The following STK3 variants were observed in gnomAD, a reference collection of about 807,000 sequenced individuals.
STK3 encodes the protein serine/threonine kinase 3, also known as serine/threonine-protein kinase 3.
In STK3, 41 loss-of-function variants were observed where a neutral mutation model predicts 58.0. The observed-to-expected ratio is 0.71, with a 90% confidence interval of 0.55 to 0.92. The LOEUF (loss-of-function observed/expected upper bound fraction) is 0.92. STK3 is among the 40% of genes least tolerant of loss of function. The probability of loss-of-function intolerance (pLI) is 0.00; values close to 1 mark genes in which losing one functional copy is unlikely to be tolerated. For synonymous variants in STK3, 170 were observed against 191.0 expected, an observed-to-expected ratio of 0.89 and a Z score of 0.91; for missense variants, 479 against 602.7, an observed-to-expected ratio of 0.79 and a Z score of 2.15.
Position 98,477,706 on chromosome 8 carries a change from GGGGGGGGGGGTGGGC to G in STK3, c.1318-21721_1318-21707del, listed in dbSNP as rs1400126484. On this transcript the variant is annotated intron_variant, in intron 10 of 10. Transcript: ENST00000419617. ...TCGCATAATCATCACACTTGGCGGG[GGGGGGGGGGGTGGGC>G]GGGGGGGGGCCCTAATGAAGGCAAG... 3.4e-4 allele frequency among the ~76,000 whole-genome samples: 26 copies of G among 76,906 alleles called. 5 individuals are homozygous for G. Among genetic ancestry groups the G allele is most frequent in the African/African-American group, 1.2e-3 (24 of 20,694 alleles). The allele number at this position is 76,906 out of a possible 152,430, so 50.5% of individuals were successfully genotyped here. A position where few individuals can be genotyped will look rare whatever the true frequency, so the allele number is the denominator to read the frequency against.
intron 10 of STK3, among the ~76,000 whole-genome samples, chr8:98,479,210 G>A (rs111408060): frequency 4.6e-5 from 7 of 152,180 alleles, no homozygotes; most frequent in South Asian, 2.1e-4. Context: ...AGAAGCGGCC[G>A]GGTGCGGTGG....
chr8:98,808,827 C>G (rs1484676795), intron 1 of STK3, among the ~76,000 whole-genome samples: 1 of 152,166 alleles, frequency 6.6e-6, no homozygotes, highest in African/African-American at 2.4e-5. Context: ...TCTTGGTAGG[C>G]CCCTACAAAG....
At chr8:98,803,052 AG>A (rs1401601707) in intron 1 of STK3, among the ~76,000 whole-genome samples, 1 of 152,342 alleles carries the variant, frequency 6.6e-6, no homozygotes, top group South Asian at 2.1e-4. Flanking sequence ...TCCAGACAAC[AG>A]GGTTTCCCTT....
At chr8:98,734,285 G>A (rs1193631480) in intron 4 of STK3, among the ~76,000 whole-genome samples, 1 of 152,146 alleles carries the variant, frequency 6.6e-6, no homozygotes, top group African/African-American at 2.4e-5. Context: ...CTAGGCAAAT[G>A]TTACTTATTA....
intron 1 of STK3, among the ~76,000 whole-genome samples, chr8:98,798,541 T>C (rs1833325891): frequency 6.6e-6 from 1 of 152,232 alleles, no homozygotes; most frequent in South Asian, 2.1e-4. Flanking sequence ...ACCCACAAAG[T>C]ACCTCTCCTG....
chr8:98,779,961 A>G (rs1831977185), intron 1 of STK3, among the ~76,000 whole-genome samples: 1 of 79,702 alleles, frequency 1.3e-5, no homozygotes, highest in South Asian at 5.2e-4. Context: ...GTGCTAGTAT[A>G]TATGTGGAAT....
At chr8:98,705,719 C>A (rs1000908316) in intron 6 of STK3, among the ~76,000 whole-genome samples, 4 of 152,088 alleles carry the variant, frequency 2.6e-5, no homozygotes. Context: ...ATTGAGATAA[C>A]TACAGCCACT....
At chr8:98,473,145 G>A (rs903205237) in intron 10 of STK3, among the ~76,000 whole-genome samples, 1 of 152,096 alleles carries the variant, frequency 6.6e-6, no homozygotes, top group Non-Finnish European at 1.5e-5. Flanking sequence ...TTGTTTAAAA[G>A]AAAACATCTT....
intron 3 of STK3, among the ~76,000 whole-genome samples, chr8:98,858,751 G>C (rs1836810534): frequency 6.6e-6 from 1 of 151,882 alleles, no homozygotes; most frequent in Non-Finnish European, 1.5e-5. Flanking sequence ...AATTAGCTGG[G>C]CGTGGTGGTG....
At position 98,583,609 on chromosome 8, in the gene STK3, T is replaced by C. The variant is rs142205953; in HGVS notation, c.823-3820A>G. The stretch of plus-strand genomic sequence containing the variant: ...TTTTCAATAAGCTCTTCTGTATCTC[T>C]TGATAAACAGTTACATGGTAATGAA... On this transcript the variant is annotated intron_variant, in intron 7 of 10. Transcript: ENST00000419617. Among the ~76,000 whole-genome samples, 1,502 of 152,264 alleles carry C rather than the reference T, an allele frequency of 9.9e-3. 25 individuals are homozygous for C. Among genetic ancestry groups the C allele is most frequent in the African/African-American group, 0.032 (1,331 of 41,546 alleles).
At chr8:98,927,096 G>A (rs1382023837) in intron 1 of STK3, among the ~76,000 whole-genome samples, 3 of 152,214 alleles carry the variant, frequency 2.0e-5, no homozygotes, top group South Asian at 2.1e-4. Context: ...CTAGATGGGC[G>A]CAGTTCTGAC....
chr8:98,634,986 CTGTT>C (rs1819519357), intron 6 of STK3, among the ~76,000 whole-genome samples: 1 of 152,088 alleles, frequency 6.6e-6, no homozygotes, highest in African/African-American at 2.4e-5. Flanking sequence ...CAAAGGAAAA[CTGTT>C]TGTCTCCTAA....
At chr8:98,556,700 T>C (rs1284089789) in intron 8 of STK3, among the ~76,000 whole-genome samples, 4 of 151,956 alleles carry the variant, frequency 2.6e-5, no homozygotes, top group Admixed American at 2.6e-4. Flanking sequence ...TAAAAGATGA[T>C]TTGGAGAAGG....
intron 7 of STK3, among the ~76,000 whole-genome samples, chr8:98,583,157 A>G (rs1814077269): frequency 6.6e-6 from 1 of 151,880 alleles, no homozygotes; most frequent in Admixed American, 6.6e-5. Context: ...AAACATTTTT[A>G]TTAGGTTAAT....
At chr8:98,431,803 G>A (rs1327294886) in intron 3 of STK3, 1 of 167,030 alleles carries the variant, frequency 6.0e-6, no homozygotes, top group Admixed American at 6.5e-5. Flanking sequence ...TTCGTTGGAG[G>A]AATCCCAACG....
chr8:98,816,091 T>G (rs184503890), intron 1 of STK3, among the ~76,000 whole-genome samples: 13 of 152,298 alleles, frequency 8.5e-5, no homozygotes, highest in Admixed American at 2.0e-4. Flanking sequence ...AGGAACATGT[T>G]GAACTGACCT....
intron 1 of STK3, among the ~76,000 whole-genome samples, chr8:98,908,311 A>T (rs1389781334): frequency 3.9e-5 from 6 of 152,220 alleles, no homozygotes; most frequent in South Asian, 2.1e-4. Context: ...TAAATGTGTG[A>T]TTCCTTCTTT....
chr8:98,722,415 T>G (rs921716305), intron 4 of STK3, among the ~76,000 whole-genome samples: 1 of 152,170 alleles, frequency 6.6e-6, no homozygotes, highest in African/African-American at 2.4e-5. Flanking sequence ...TCTACAAGTA[T>G]TGTGTGTCAC....
At chr8:98,507,490 C>T (rs1346490829) in intron 10 of STK3, among the ~76,000 whole-genome samples, 1 of 152,204 alleles carries the variant, frequency 6.6e-6, no homozygotes, top group African/African-American at 2.4e-5. Context: ...ACTGCTTCTA[C>T]CCTTGCCCCA....
Sources: gnomAD v4.1 joint callset for allele counts (sites outside exome capture counted in the v4.1 genomes callset) on GRCh38, gnomAD v4.1.1 for gene constraint, MANE v1.5 for transcripts, NCBI Gene and HGNC (gene_info 2026-07-23, HGNC 2026-07-21) for gene names.